The following RFX3 variants were observed in gnomAD, a reference collection of about 807,000 sequenced individuals.
RFX3 encodes the protein transcription factor RFX3.
In RFX3, 14 loss-of-function variants were observed where a neutral mutation model predicts 98.6. That is an observed-to-expected ratio of 0.14 (90% CI 0.09 to 0.22). The LOEUF (loss-of-function observed/expected upper bound fraction) is 0.22. RFX3 is among the 10% of genes least tolerant of loss of function. The probability of loss-of-function intolerance (pLI) is 1.00; values close to 1 mark genes in which losing one functional copy is unlikely to be tolerated. For synonymous variants in RFX3, 383 were observed against 328.4 expected (o/e 1.17, Z -1.80); for missense variants, 639 against 926.9 (o/e 0.69, Z 4.03).
intron 2 of RFX3, 118 bp downstream of exon 2, chr9:3,395,354 C>A (rs564967758): frequency 8.7e-7 from 1 of 1,152,814 alleles, no homozygotes; most frequent in Non-Finnish European, 1.2e-6. Context: ...AACCTAAAAA[C>A]TGAAGTATGC....
chr9:3,461,039 G>A (rs968848555), intron 1 of RFX3, among the ~76,000 whole-genome samples: 2 of 150,638 alleles, frequency 1.3e-5, no homozygotes, highest in African/African-American at 2.4e-5. Flanking sequence ...AACATTCATC[G>A]CTGAGATTTA....
chr9:3,267,458 A>C (rs1823794103), intron 11 of RFX3, among the ~76,000 whole-genome samples: 1 of 151,970 alleles, frequency 6.6e-6, no homozygotes, highest in Non-Finnish European at 1.5e-5. Flanking sequence ...CAGGTTTTAT[A>C]AATAATTTCA....
intron 4 of RFX3, among the ~76,000 whole-genome samples, chr9:3,303,532 A>C (rs977470242): frequency 6.6e-6 from 1 of 151,986 alleles, no homozygotes; most frequent in Non-Finnish European, 1.5e-5. Flanking sequence ...ATAATTTTTA[A>C]TGAAAGGTAA....
chr9:3,468,542 C>T (rs778096017), intron 1 of RFX3, among the ~76,000 whole-genome samples: 1 of 152,148 alleles, frequency 6.6e-6, no homozygotes, highest in Admixed American at 6.6e-5. Flanking sequence ...CAAATATGTG[C>T]TGCAGCTTTC....
At chr9:3,309,236 G>C (rs187511680) in intron 4 of RFX3, among the ~76,000 whole-genome samples, 1 of 152,112 alleles carries the variant, frequency 6.6e-6, no homozygotes, top group Non-Finnish European at 1.5e-5. Flanking sequence ...AATTCAGAAA[G>C]GGCAAGGGAG....
At chr9:3,435,731 T>C (rs1845064224) in intron 1 of RFX3, among the ~76,000 whole-genome samples, 1 of 150,940 alleles carries the variant, frequency 6.6e-6, no homozygotes, top group Non-Finnish European at 1.5e-5. Flanking sequence ...ATTTATTGAT[T>C]GAATGGATAA....
chr9:3,319,247 C>T (rs902463883), intron 4 of RFX3, among the ~76,000 whole-genome samples: 1 of 151,534 alleles, frequency 6.6e-6, no homozygotes, highest in African/African-American at 2.4e-5. Flanking sequence ...GGCCCTTGCC[C>T]ACACTGACTG....
rs573125602 is a variant in RFX3, at chr9:3,504,922, A to T, written c.-9+20825T>A. Among the ~76,000 whole-genome samples, 87 of 23,820 alleles carry T rather than the reference A, an allele frequency of 3.7e-3. 1 individual carries two copies. Among genetic ancestry groups the T allele is most frequent in the African/African-American group, 9.2e-3 (47 of 5,092 alleles). 15.6% of individuals were successfully genotyped at this position (23,820 alleles called of 152,430 possible). ...ATATTATATATATATATAATATAAC[A>T]TATATTATATATAATATATATAATA... On this transcript the variant is annotated intron_variant, in intron 1 of 16. Coordinates refer to ENST00000617270, the MANE Select transcript of RFX3 (RefSeq NM_001282116.2).
chr9:3,270,707 C>T (rs905863887), intron 10 of RFX3, 182 bp from the exon 11 acceptor site: 4 of 676,140 alleles, frequency 5.9e-6, no homozygotes, highest in African/African-American at 3.6e-5. Context: ...AAACACTCCC[C>T]CAGAGCTGTC....
At chr9:3,346,825 T>C (rs1332244483) in intron 2 of RFX3, 61 bp from the exon 3 acceptor site, 9 of 989,128 alleles carry the variant, frequency 9.1e-6, no homozygotes, top group Non-Finnish European at 1.5e-5. Context: ...ATACAGAGCA[T>C]TAGATCTATC....
At chr9:3,239,532 C>T (rs912820555) in intron 15 of RFX3, among the ~76,000 whole-genome samples, 49 of 152,312 alleles carry the variant, frequency 3.2e-4, no homozygotes, top group African/African-American at 1.1e-3. Flanking sequence ...TTTCTGCCTG[C>T]CTTGGGGACA....
At chr9:3,383,353 T>C (rs114794682) in intron 2 of RFX3, among the ~76,000 whole-genome samples, 4,200 of 152,256 alleles carry the variant, frequency 0.028, 202 homozygotes, top group African/African-American at 0.097. Flanking sequence ...TAGTGATTGG[T>C]AGAGCTAAAA....
chr9:3,409,688 C>A (rs570594928), intron 1 of RFX3, among the ~76,000 whole-genome samples: 1 of 152,208 alleles, frequency 6.6e-6, no homozygotes, highest in East Asian at 1.9e-4. Flanking sequence ...TTTCAGCAAA[C>A]TGATTTTAAA....
intron 1 of RFX3, among the ~76,000 whole-genome samples, chr9:3,502,208 C>G (rs1816105476): frequency 6.6e-6 from 1 of 151,092 alleles, no homozygotes; most frequent in Non-Finnish European, 1.5e-5. Flanking sequence ...GCAGTGAGCC[C>G]ACATCACGCA....
intron 1 of RFX3, among the ~76,000 whole-genome samples, chr9:3,407,367 A>C (rs957144311): frequency 2.0e-5 from 3 of 152,162 alleles, no homozygotes; most frequent in Non-Finnish European, 4.4e-5. Context: ...AGGTACTATT[A>C]TTATCCCATT....
At chr9:3,243,138 C>T (rs914487294) in intron 15 of RFX3, among the ~76,000 whole-genome samples, 1 of 151,838 alleles carries the variant, frequency 6.6e-6, no homozygotes, top group Non-Finnish European at 1.5e-5. Flanking sequence ...GTATGGAAAG[C>T]TTTATGATTT....
In RFX3 at chr9:3,288,266, A is replaced by C; in HGVS notation, c.732-16T>G. ...GGAGTTTCCTCTTCATTAATGAACA[A>C]GAAACATTAGAAACAAAAGTCAGTC... On this transcript the variant is annotated splice_polypyrimidine_tract_variant and intron_variant, in intron 6 of 16. Coordinates refer to ENST00000617270, the MANE Select transcript of RFX3 (RefSeq NM_001282116.2). 1.9e-6 allele frequency: 3 copies of C among 1,608,680 alleles called. No individual in the cohort carries two copies. The highest frequency in any genetic ancestry group is 8.5e-7 in the Non-Finnish European group (1 of 1,175,670).
chr9:3,264,769 G>C (rs1182447603), intron 12 of RFX3, among the ~76,000 whole-genome samples: 4 of 152,110 alleles, frequency 2.6e-5, no homozygotes, highest in Non-Finnish European at 5.9e-5. Flanking sequence ...TGAATGTGGA[G>C]AGGAAAAAAG....
intron 1 of RFX3, among the ~76,000 whole-genome samples, chr9:3,398,926 A>ATAAT (rs1564048440): frequency 4.2e-4 from 62 of 146,586 alleles, no homozygotes; most frequent in African/African-American, 1.6e-3. Flanking sequence ...AAAAAAAAAA[A>ATAAT]AAAAAAAAAA....
Sources: gnomAD v4.1 joint callset for allele counts (sites outside exome capture counted in the v4.1 genomes callset) on GRCh38, gnomAD v4.1.1 for gene constraint, MANE v1.5 for transcripts, NCBI Gene and HGNC (gene_info 2026-07-23, HGNC 2026-07-21) for gene names.